Variants in HECW1 observed in about 807,000 individuals in gnomAD.
HECW1 encodes the protein HECT, C2 and WW domain containing E3 ubiquitin protein ligase 1, also known as E3 ubiquitin-protein ligase HECW1.
HECW1 carries 61 observed loss-of-function variants against 182.3 expected under a neutral mutation model. That is an observed-to-expected ratio of 0.33 (90% CI 0.27 to 0.41). The LOEUF (loss-of-function observed/expected upper bound fraction) is 0.41, where lower values mean the gene tolerates loss of function less well. HECW1 is among the 10% of genes least tolerant of loss of function. The probability of loss-of-function intolerance (pLI) is 1.00; values close to 1 mark genes in which losing one functional copy is unlikely to be tolerated. For synonymous variants in HECW1, 859 were observed against 832.6 expected, an observed-to-expected ratio of 1.03 and a Z score of -0.55; for missense variants, 1,739 against 2,108.9, an observed-to-expected ratio of 0.82 and a Z score of 3.44.
At chr7:43,526,799 G>A (rs1023218118) in intron 24 of HECW1, among the ~76,000 whole-genome samples, 2 of 152,198 alleles carry the variant, frequency 1.3e-5, no homozygotes, top group South Asian at 2.1e-4. Flanking sequence ...CCAGGAGTTT[G>A]AGACTACCCT....
intron 19 of HECW1, among the ~76,000 whole-genome samples, chr7:43,497,660 G>A (rs1186206445): frequency 6.6e-6 from 1 of 152,116 alleles, no homozygotes; most frequent in Non-Finnish European, 1.5e-5. Context: ...TGTGGATAAT[G>A]GGAAAATATG....
chr7:43,434,556 A>C (rs902226544), intron 8 of HECW1, among the ~76,000 whole-genome samples: 3 of 152,216 alleles, frequency 2.0e-5, no homozygotes, highest in African/African-American at 7.2e-5. Context: ...TACTGGCTTG[A>C]GGCTCATGGG....
intron 24 of HECW1, among the ~76,000 whole-genome samples, chr7:43,535,242 T>C (rs942104489): frequency 2.6e-5 from 4 of 152,198 alleles, no homozygotes; most frequent in Non-Finnish European, 5.9e-5. Flanking sequence ...TTAAGCCACT[T>C]GGGAAGATGG....
chr7:43,415,107 C>T (rs1234646054), intron 8 of HECW1, among the ~76,000 whole-genome samples: 1 of 150,290 alleles, frequency 6.7e-6, no homozygotes, highest in East Asian at 1.9e-4. Flanking sequence ...TTAGTTGATG[C>T]AGTTTCTTCC....
rs2076967805 is a variant in HECW1 at position 43,444,041 on chromosome 7, A to G, written c.1046-177A>G. On this transcript the variant is annotated intron_variant, in intron 10 of 29. Coordinates refer to ENST00000395891, the MANE Select transcript of HECW1 (RefSeq NM_015052.5). The surrounding 1 kb of genome is among the most constrained non-coding windows in gnomAD (Gnocchi z 4.3). ...TGCAAGTTGTTGTTAACATAGCAAG[A>G]ACTCATTCTTACAGAATTTTTCACT... Among the ~76,000 whole-genome samples, 1 of 152,218 alleles carries G rather than the reference A, an allele frequency of 6.6e-6. No individual in the cohort carries two copies. Among genetic ancestry groups the G allele is most frequent in the African/African-American group, 2.4e-5 (1 of 41,448 alleles).
intron 15 of HECW1, 91 bp from the exon 16 acceptor site, chr7:43,468,829 C>T: frequency 8.9e-7 from 1 of 1,119,542 alleles, no homozygotes; most frequent in Non-Finnish European, 1.3e-6. Context: ...GTCACAATCA[C>T]ACTTAGCAGT....
intron 3 of HECW1, among the ~76,000 whole-genome samples, chr7:43,295,945 A>T (rs1470308480): frequency 6.6e-6 from 1 of 152,310 alleles, no homozygotes; most frequent in African/African-American, 2.4e-5. Flanking sequence ...GCTGCTTTTG[A>T]CTTAGATATT....
intron 3 of HECW1, among the ~76,000 whole-genome samples, chr7:43,261,340 C>T (rs747262810): frequency 1.3e-5 from 2 of 152,150 alleles, no homozygotes; most frequent in Non-Finnish European, 2.9e-5. Context: ...GAGTAGCATC[C>T]CAAGCATGTT....
chr7:43,376,223 A>G (rs2074316570), intron 6 of HECW1, among the ~76,000 whole-genome samples: 1 of 152,154 alleles, frequency 6.6e-6, no homozygotes, highest in South Asian at 2.1e-4. Context: ...AACATTTAAA[A>G]AGTAAAATAG....
intron 2 of HECW1, among the ~76,000 whole-genome samples, chr7:43,226,138 C>T (rs1044992685): frequency 1.3e-5 from 2 of 152,110 alleles, no homozygotes; most frequent in African/African-American, 2.4e-5. Context: ...ATTCAAAATG[C>T]CACTAAATAC....
intron 8 of HECW1, among the ~76,000 whole-genome samples, chr7:43,410,374 C>T (rs551693383): frequency 6.6e-6 from 1 of 152,148 alleles, no homozygotes; most frequent in Non-Finnish European, 1.5e-5. Context: ...TATAAGGACA[C>T]TAATCCCATC....
chr7:43,399,375 A>G lies in HECW1; in HGVS notation c.631+2486A>G, dbSNP rs145141704. Among the ~76,000 whole-genome samples the G allele has an allele frequency of 9.7e-3, 1,471 of 152,324 alleles. 20 individuals are homozygous for G. The highest frequency in any genetic ancestry group is 0.034 in the African/African-American group (1,398 of 41,554). On this transcript the variant is annotated intron_variant, in intron 7 of 29. Transcript: ENST00000395891. ...GGTGGTTTCAACTCACTAATTTTGT[A>G]CTTCTAAGGCAAAAGCTAGCAACTC...
intron 8 of HECW1, 103 bp from the exon 9 acceptor site, chr7:43,437,900 T>C: frequency 2.6e-6 from 3 of 1,171,846 alleles, no homozygotes; most frequent in Non-Finnish European, 3.7e-6. Flanking sequence ...AGGTATATTA[T>C]AGCTAGGATG....
At chr7:43,521,423 G>A (rs559278092) in intron 24 of HECW1, among the ~76,000 whole-genome samples, 1 of 152,178 alleles carries the variant, frequency 6.6e-6, no homozygotes. Context: ...AAAAAGAAAA[G>A]GTTAAGCAAA....
intron 2 of HECW1, among the ~76,000 whole-genome samples, chr7:43,125,712 C>T (rs1015261295): frequency 6.7e-5 from 9 of 134,244 alleles, no homozygotes; most frequent in Non-Finnish European, 1.2e-4. Context: ...GAGCCGAGAT[C>T]GTGCCACTGC....
chr7:43,372,376 T>C (rs1424779086), intron 6 of HECW1, among the ~76,000 whole-genome samples: 1 of 152,114 alleles, frequency 6.6e-6, no homozygotes. Context: ...ATTATTATTA[T>C]ACTTTAAGTT....
At chr7:43,309,954 C>G (rs1264450121) in intron 3 of HECW1, among the ~76,000 whole-genome samples, 2 of 152,122 alleles carry the variant, frequency 1.3e-5, no homozygotes, top group African/African-American at 4.8e-5. Context: ...CTTGCATTGT[C>G]TCATTAAATT....
intron 3 of HECW1, among the ~76,000 whole-genome samples, chr7:43,309,269 T>A (rs964691539): frequency 6.6e-6 from 1 of 151,988 alleles, no homozygotes; most frequent in African/African-American, 2.4e-5. Flanking sequence ...CAAGTAGGAA[T>A]GGGGAGGATG....
At chr7:43,480,096 A>G (rs2078369523) in intron 17 of HECW1, among the ~76,000 whole-genome samples, 1 of 152,204 alleles carries the variant, frequency 6.6e-6, no homozygotes, top group Admixed American at 6.5e-5. Context: ...CTGCCATGGT[A>G]TGTCTGACTA....
Sources: allele counts gnomAD v4.1 joint callset (sites outside exome capture counted in the v4.1 genomes callset), GRCh38; gene constraint gnomAD v4.1.1; non-coding constraint Gnocchi (gnomAD v3.1); transcripts MANE v1.5; gene names NCBI Gene and HGNC (gene_info 2026-07-23, HGNC 2026-07-21).